Variants in NCR1 observed in about 807,000 individuals in gnomAD.
NCR1 encodes natural cytotoxicity triggering receptor 1.
A neutral mutation model predicts 32.5 loss-of-function variants in NCR1; 30 were observed. The observed-to-expected ratio is 0.92, with a 90% CI of 0.69 to 1.25. The LOEUF is 1.25. NCR1 is among the 50% of genes most tolerant of loss of function. The pLI is 0.00. For missense variants in NCR1, 369 were observed against 380.7 expected (o/e 0.97, Z 0.26); for synonymous variants, 169 against 143.4 (o/e 1.18, Z -1.28).
At chr19:54,933,291 A>G in the NCR1 span, among the ~76,000 whole-genome samples, 2 of 152,012 alleles carry the variant, frequency 1.3e-5, no homozygotes, top group African/African-American at 4.8e-5. Flanking sequence ...GACTACAGGC[A>G]TCCGCCACCA....
chr19:54,902,493 C>T (rs1298161917), upstream of NCR1, among the ~76,000 whole-genome samples: 1 of 151,758 alleles, frequency 6.6e-6, no homozygotes, highest in Non-Finnish European at 1.5e-5. Context: ...TTCCCCCAGG[C>T]TCGTCTCAAG....
At position 54,912,177 on chromosome 19, in the gene NCR1, G is replaced by A. The variant is rs751023312; in HGVS notation, c.692G>A (p.Trp231Ter). The A allele has an allele frequency of 1.2e-6, 2 of 1,613,844 alleles. No individual in the cohort carries two copies. Among genetic ancestry groups the A allele is most frequent in the South Asian group, 2.2e-5 (2 of 91,070 alleles). The change falls in exon 6 of 7, where the codon TGG becomes TAG. Residue 231 changes from tryptophan to a stop codon, truncating the protein, a stop_gained. Coordinates refer to ENST00000291890, the MANE Select transcript of NCR1 (RefSeq NM_004829.7). LOFTEE classifies it high-confidence loss of function. ...CTTCCCTTATCATCAGCAGACACTT[G>A]GGGCACCTACCTTTTAACCACAGAG... ...PEDPTFPADT[W>*]GTYLLTTETG...
At chr19:54,913,446 G>T (rs919682727), downstream of NCR1, among the ~76,000 whole-genome samples, 2 of 152,202 alleles carry the variant, frequency 1.3e-5, no homozygotes, top group Admixed American at 6.5e-5. Context: ...TAACCACTCT[G>T]GTCTTTTCTG....
At chr19:54,902,191 G>A (rs762783260), upstream of NCR1, among the ~76,000 whole-genome samples, 5 of 152,236 alleles carry the variant, frequency 3.3e-5, no homozygotes, top group South Asian at 2.1e-4. Flanking sequence ...GGCATCATAT[G>A]CAAATTAGAC....
At chr19:54,907,199 A>C (rs2067677877) in intron 3 of NCR1, among the ~76,000 whole-genome samples, 1 of 150,154 alleles carries the variant, frequency 6.7e-6, no homozygotes, top group African/African-American at 2.5e-5. Flanking sequence ...CTTGTCACCC[A>C]GGCTGGAGTG....
At chr19:54,922,789 AC>A in the NCR1 span, among the ~76,000 whole-genome samples, 537 of 39,132 alleles carry the variant, frequency 0.014, 30 homozygotes, top group East Asian at 0.029. Flanking sequence ...AAAAAAAAAA[AC>A]AAAAAAAAAA....
the NCR1 span, among the ~76,000 whole-genome samples, chr19:54,929,772 G>A: frequency 1.3e-5 from 2 of 152,074 alleles, no homozygotes; most frequent in Non-Finnish European, 2.9e-5. Context: ...TTTCTGGAGG[G>A]GTTTGATCTT....
chr19:54,927,381 CAAA>C, the NCR1 span, among the ~76,000 whole-genome samples: 2 of 138,778 alleles, frequency 1.4e-5, no homozygotes. Context: ...AACTCCGTCT[CAAA>C]AAAAAAAAAA....
chr19:54,919,299 T>A (rs1452661227), downstream of NCR1, among the ~76,000 whole-genome samples: 3 of 150,868 alleles, frequency 2.0e-5, no homozygotes, highest in Admixed American at 6.6e-5. Flanking sequence ...CCCGAATGTC[T>A]GGCTGCGCTG....
At chr19:54,930,616 G>A in the NCR1 span, 9 of 1,611,696 alleles carry the variant, frequency 5.6e-6, no homozygotes, top group East Asian at 2.2e-5. Context: ...TTCTTGGAGC[G>A]CCTCTGAGAG....
At chr19:54,904,004 T>C (rs1053286072), upstream of NCR1, among the ~76,000 whole-genome samples, 1 of 151,422 alleles carries the variant, frequency 6.6e-6, no homozygotes, top group East Asian at 1.9e-4. Flanking sequence ...TGGGTGTCTG[T>C]AGTCCCAGCT....
chr19:54,927,898 C>G, the NCR1 span: 1 of 829,396 alleles, frequency 1.2e-6, no homozygotes, highest in East Asian at 2.4e-5. Context: ...TCGAGACCAG[C>G]CTTGCCAACA....
At chr19:54,925,737 G>A in the NCR1 span, among the ~76,000 whole-genome samples, 4 of 152,092 alleles carry the variant, frequency 2.6e-5, no homozygotes, top group African/African-American at 9.7e-5. Flanking sequence ...GGTGGCTCAC[G>A]CCTGTAATCC....
chr19:54,909,228 C>T lies in NCR1; in HGVS notation c.356-17C>T, dbSNP rs2146059137. The stretch of plus-strand genomic sequence containing the variant: ...ATCACTGAGTTTCTGGTGTGGTGGC[C>T]CCACCTTCTCTCATAGAAATGTATG... On this transcript the variant is annotated splice_polypyrimidine_tract_variant and intron_variant, in intron 3 of 6. Transcript: ENST00000291890. 6.3e-7 allele frequency: 1 copy of T among 1,598,692 alleles called. No homozygotes were observed. Among genetic ancestry groups the T allele is most frequent in the East Asian group, 2.3e-5 (1 of 44,412 alleles).
intron 6 of NCR1, among the ~76,000 whole-genome samples, chr19:54,912,476 G>A (rs149236838): frequency 8.3e-4 from 126 of 151,936 alleles, no homozygotes; most frequent in African/African-American, 2.8e-3. Flanking sequence ...GCGTGTGCCT[G>A]TAGTCCCAGC....
the NCR1 span, chr19:54,927,668 TTCCACAAATGATTCTGGCCCAGG>T: frequency 6.2e-7 from 1 of 1,614,170 alleles, no homozygotes; most frequent in Non-Finnish European, 8.5e-7. Flanking sequence ...TATGCCACTC[TTCCACAAATGATTCTGGCCCAGG>T]TCCAGAGTTT....
chr19:54,934,651 C>G, the NCR1 span: 1 of 1,613,080 alleles, frequency 6.2e-7, no homozygotes, highest in Admixed American at 1.7e-5. This position sits in a 1 kb window ranked among gnomAD's most constrained non-coding sequence, Gnocchi z 6.7. Flanking sequence ...GGCACAGTGA[C>G]CTCCCAACCT....
At position 54,906,223 on chromosome 19, in the gene NCR1, T is replaced by G. The variant is rs771986641; in HGVS notation, c.34+2T>G. On this transcript the variant is annotated splice_donor_variant, in intron 1 of 6. Transcript: ENST00000291890. LOFTEE classifies it high-confidence loss of function. ...CACTCCCTGCCCTGCTCTGCGTCGG[T>G]GAGTTCTGGCGTGGAAGGGGAATGG... 2.7e-5 allele frequency: 44 copies of G among 1,614,070 alleles called. No individual in the cohort carries two copies. Among genetic ancestry groups the G allele is most frequent in the Non-Finnish European group, 3.5e-5 (41 of 1,180,038 alleles).
chr19:54,907,683 C>A (rs1018989684), intron 3 of NCR1, among the ~76,000 whole-genome samples: 1 of 151,928 alleles, frequency 6.6e-6, no homozygotes, highest in Non-Finnish European at 1.5e-5. Flanking sequence ...TCATTATAAT[C>A]TTATGGGACC....
Sources: gnomAD v4.1 joint callset for allele counts (sites outside exome capture counted in the v4.1 genomes callset) on GRCh38, gnomAD v4.1.1 for gene constraint, Gnocchi (gnomAD v3.1) non-coding constraint, MANE v1.5 for transcripts, NCBI Gene and HGNC (gene_info 2026-07-23, HGNC 2026-07-21) for gene names.